EEFSEC: variants seen among roughly 807,000 people sequenced by gnomAD.
EEFSEC encodes the protein eukaryotic elongation factor, selenocysteine-tRNA specific.
A neutral mutation model predicts 42.1 loss-of-function variants in EEFSEC; 43 were observed. The ratio of observed to expected loss-of-function variants is 1.02; its 90% CI spans 0.80 to 1.32. The LOEUF (loss-of-function observed/expected upper bound fraction) is 1.32. EEFSEC is among the 40% of genes most tolerant of loss of function. The pLI is 0.00. For synonymous variants in EEFSEC, 354 were observed against 339.1 expected, an observed-to-expected ratio of 1.04 and a Z score of -0.48; for missense variants, 745 against 803.6, an observed-to-expected ratio of 0.93 and a Z score of 0.88.
At chr3:128,209,933 CA>C (rs2065738863) in intron 1 of EEFSEC, among the ~76,000 whole-genome samples, 1 of 152,220 alleles carries the variant, frequency 6.6e-6, no homozygotes, top group Non-Finnish European at 1.5e-5. Context: ...TGTGTGCCAT[CA>C]AAAATATCTC....
At chr3:128,278,490 GACGTTTGGGGA>G (rs2066491010) in intron 4 of EEFSEC, among the ~76,000 whole-genome samples, 1 of 152,182 alleles carries the variant, frequency 6.6e-6, no homozygotes, top group African/African-American at 2.4e-5. Flanking sequence ...CTAAGTTGGG[GACGTTTGGGGA>G]ACCCACTTGG....
At chr3:128,345,282 C>T (rs1367340512) in intron 5 of EEFSEC, among the ~76,000 whole-genome samples, 10 of 152,134 alleles carry the variant, frequency 6.6e-5, no homozygotes, top group Non-Finnish European at 2.9e-5. Flanking sequence ...AATAATAATG[C>T]CTGGAGCGTG....
intron 4 of EEFSEC, among the ~76,000 whole-genome samples, chr3:128,276,135 C>A (rs192850512): frequency 6.6e-6 from 1 of 152,342 alleles, no homozygotes; most frequent in Non-Finnish European, 1.5e-5. Context: ...GGATCAGCCT[C>A]CTGCACAGGG....
chr3:128,402,188 A>T (rs2068055904), intron 6 of EEFSEC, among the ~76,000 whole-genome samples: 1 of 152,196 alleles, frequency 6.6e-6, no homozygotes, highest in African/African-American at 2.4e-5. Flanking sequence ...GAAAGAAGGA[A>T]CAGTGCTTGC....
At chr3:128,283,003 G>A (rs531185622) in intron 4 of EEFSEC, among the ~76,000 whole-genome samples, 22 of 152,364 alleles carry the variant, frequency 1.4e-4, no homozygotes, top group African/African-American at 4.3e-4. Flanking sequence ...TTGGGAACAC[G>A]GTTGGGTGCT....
At chr3:128,321,115 G>A (rs192906225) in intron 4 of EEFSEC, among the ~76,000 whole-genome samples, 38 of 152,306 alleles carry the variant, frequency 2.5e-4, no homozygotes, top group Admixed American at 3.9e-4. Context: ...GAAGGCTGCT[G>A]AGAGGCAGTG....
In EEFSEC at chr3:128,327,218, G is replaced by A. The variant is rs575948127; in HGVS notation, c.787-14015G>A. Reference sequence around the variant, plus strand: ...ACTGACCATCTTCTTGTGTACACCTGCACAGCGCTCTCCTGGGAGGTATCA... The same window carrying A: ...ACTGACCATCTTCTTGTGTACACCTACACAGCGCTCTCCTGGGAGGTATCA... On this transcript the variant is annotated intron_variant, in intron 4 of 6. Coordinates refer to ENST00000254730, the MANE Select transcript of EEFSEC (RefSeq NM_021937.5). 1.9e-4 allele frequency among the ~76,000 whole-genome samples: 29 copies of A among 151,898 alleles called. No individual in the cohort carries two copies. In the South Asian group the frequency reaches 3.5e-3, roughly 19 times the overall value.
chr3:128,389,062 AG>A, intron 6 of EEFSEC, among the ~76,000 whole-genome samples: 1 of 152,330 alleles, frequency 6.6e-6, no homozygotes, highest in Middle Eastern at 3.4e-3. Context: ...GTTCCAGGCA[AG>A]GGAGCCGGTG....
chr3:128,313,348 G>C (rs2108023755), intron 4 of EEFSEC, among the ~76,000 whole-genome samples: 1 of 152,350 alleles, frequency 6.6e-6, no homozygotes, highest in Non-Finnish European at 1.5e-5. Flanking sequence ...CTGGCAACAG[G>C]GTTGCACTCA....
At chr3:128,245,270 A>G (rs2066115495) in intron 1 of EEFSEC, among the ~76,000 whole-genome samples, 1 of 152,146 alleles carries the variant, frequency 6.6e-6, no homozygotes, top group Admixed American at 6.5e-5. Flanking sequence ...AGTCCAGAGG[A>G]GAGTTGGTAA....
At chr3:128,301,836 C>T (rs1188070792) in intron 4 of EEFSEC, among the ~76,000 whole-genome samples, 3 of 152,072 alleles carry the variant, frequency 2.0e-5, no homozygotes, top group Non-Finnish European at 4.4e-5. Flanking sequence ...GCAGCAGTTC[C>T]TGGGAGAAAG....
rs551119294 is a variant in EEFSEC, at chr3:128,361,871, G to C, written c.1600+3498G>C. On this transcript the variant is annotated intron_variant, in intron 6 of 6. Transcript: ENST00000254730. ...GGTGAGAGAGTAGTTGGAGGAAGGA[G>C]CTGGACATGGAGGAGGTTCCTGTCC... 4.6e-5 allele frequency among the ~76,000 whole-genome samples: 7 copies of C among 152,334 alleles called. No individual in the cohort carries two copies. The South Asian group carries it at 1.5e-3, about 32-fold the overall frequency.
intron 6 of EEFSEC, among the ~76,000 whole-genome samples, chr3:128,403,143 A>G (rs1434656172): frequency 6.6e-6 from 1 of 152,204 alleles, no homozygotes; most frequent in Non-Finnish European, 1.5e-5. Flanking sequence ...GTGAACCTGC[A>G]GCTGCCGGAG....
chr3:128,204,767 CAGTG>C (rs1171075286), intron 1 of EEFSEC, among the ~76,000 whole-genome samples: 3 of 152,148 alleles, frequency 2.0e-5, no homozygotes. Context: ...GTCTGTGCGT[CAGTG>C]AGACCCTCCC....
intron 4 of EEFSEC, among the ~76,000 whole-genome samples, chr3:128,325,945 G>A (rs1453510878): frequency 6.6e-6 from 1 of 152,208 alleles, no homozygotes; most frequent in African/African-American, 2.4e-5. Context: ...ATACTAAGGT[G>A]AATATTTCCA....
chr3:128,269,482 A>T (rs756137256), intron 4 of EEFSEC, among the ~76,000 whole-genome samples: 4 of 152,238 alleles, frequency 2.6e-5, no homozygotes, highest in Non-Finnish European at 4.4e-5. Context: ...GCACCGGGAC[A>T]TGGGGGGCCA....
chr3:128,341,817 G>A lies in EEFSEC; in HGVS notation c.1371G>A (p.Arg457=), dbSNP rs1368106207. Residue 457 remains arginine, a synonymous_variant, in exon 5 of 7, where the codon AGG becomes AGA. Transcript: ENST00000254730. ...HGILLHGLED[R]NYADSFLPRL... The stretch of plus-strand genomic sequence containing the variant: ...TCCTGCTCCACGGGCTAGAGGACAG[G>A]AACTACGCCGACAGCTTCCTGCCCA... The A allele has an allele frequency of 6.2e-7, 1 of 1,614,048 alleles. No homozygotes were observed. The highest frequency in any genetic ancestry group is 1.1e-5 in the South Asian group (1 of 91,090).
intron 4 of EEFSEC, among the ~76,000 whole-genome samples, chr3:128,276,402 G>T (rs2066468558): frequency 6.6e-6 from 1 of 152,138 alleles, no homozygotes. Context: ...CCAGAGGTTG[G>T]ACTCTGAAGT....
intron 4 of EEFSEC, among the ~76,000 whole-genome samples, chr3:128,316,449 A>G (rs1273467900): frequency 1.3e-5 from 2 of 152,164 alleles, no homozygotes; most frequent in East Asian, 3.9e-4. Flanking sequence ...CTCTTCACTC[A>G]CTGCATCCTG....
Sources: gnomAD v4.1 joint callset for allele counts (sites outside exome capture counted in the v4.1 genomes callset) on GRCh38, gnomAD v4.1.1 for gene constraint, MANE v1.5 for transcripts, NCBI Gene and HGNC (gene_info 2026-07-23, HGNC 2026-07-21) for gene names.